Variants in SPG11 observed in about 807,000 individuals in gnomAD.
SPG11 encodes the protein spatacsin.
In SPG11, 222 loss-of-function variants were observed where a neutral mutation model predicts 274.0. The observed-to-expected ratio is 0.81, with a 90% CI of 0.73 to 0.91. SPG11 has a LOEUF of 0.91. SPG11 is among the 40% of genes least tolerant of loss of function. SPG11 has a pLI of 0.00. For synonymous variants in SPG11, 1,144 were observed against 1,039.7 expected, an observed-to-expected ratio of 1.10 and a Z score of -1.93; for missense variants, 3,114 against 2,872.7, an observed-to-expected ratio of 1.08 and a Z score of -1.92.
At position 44,563,070 on chromosome 15, in the gene SPG11, A is replaced by G; in HGVS notation, c.*51T>C. On this transcript the variant is annotated 3_prime_UTR_variant, in exon 40 of 40. Coordinates refer to ENST00000261866, the MANE Select transcript of SPG11 (RefSeq NM_025137.4). ...TCCAATGCATTCTTCTTCTCATCAC[A>G]TCTGTCAGAATCTGCTAACAGTACA... 1.9e-6 allele frequency: 3 copies of G among 1,556,814 alleles called. No homozygotes were observed. Among genetic ancestry groups the G allele is most frequent in the Non-Finnish European group, 2.7e-6 (3 of 1,128,764 alleles).
chr15:44,642,947 C>A (rs2084496850), intron 7 of SPG11, among the ~76,000 whole-genome samples: 1 of 152,102 alleles, frequency 6.6e-6, no homozygotes, highest in Non-Finnish European at 1.5e-5. Context: ...AGGATCAGGG[C>A]AGGGCATACA....
At chr15:44,632,895 C>T (rs1010076105) in intron 8 of SPG11, among the ~76,000 whole-genome samples, 1 of 152,074 alleles carries the variant, frequency 6.6e-6, no homozygotes. Flanking sequence ...AGGCAATTTT[C>T]CAAATAAATG....
At chr15:44,607,512 G>C (rs936597447) in intron 19 of SPG11, among the ~76,000 whole-genome samples, 8 of 152,068 alleles carry the variant, frequency 5.3e-5, no homozygotes, top group Non-Finnish European at 1.5e-5. Context: ...TCAGTGACCC[G>C]CCCACCTTGG....
intron 33 of SPG11, 168 bp downstream of exon 33, chr15:44,572,515 A>T: frequency 1.5e-6 from 1 of 663,836 alleles, no homozygotes; most frequent in Non-Finnish European, 2.6e-6. Flanking sequence ...ATAATTTCTA[A>T]ATTTTCTTCA....
At chr15:44,575,337 C>T in intron 30 of SPG11, 1 of 360,876 alleles carries the variant, frequency 2.8e-6, no homozygotes, top group Non-Finnish European at 5.3e-6. Context: ...TATATGTCCT[C>T]CCTCCTGTAT....
intron 7 of SPG11, among the ~76,000 whole-genome samples, chr15:44,646,676 G>C (rs564438049): frequency 6.6e-6 from 1 of 152,188 alleles, no homozygotes; most frequent in African/African-American, 2.4e-5. Flanking sequence ...GTCCTTTGCA[G>C]CAACACGGAT....
chr15:44,571,688 G>A (rs1231753288), intron 33 of SPG11, among the ~76,000 whole-genome samples: 1 of 151,452 alleles, frequency 6.6e-6, no homozygotes, highest in Non-Finnish European at 1.5e-5. Context: ...TAGTAGAGAC[G>A]GGGTTTCACC....
intron 29 of SPG11, 81 bp from the exon 30 acceptor site, chr15:44,584,639 T>C: frequency 6.6e-7 from 1 of 1,521,870 alleles, no homozygotes; most frequent in Admixed American, 1.7e-5. Flanking sequence ...AAGTATATCA[T>C]ACTTGTTTGG....
chr15:44,631,179 C>T (rs183530392), intron 8 of SPG11, among the ~76,000 whole-genome samples: 31 of 152,210 alleles, frequency 2.0e-4, no homozygotes, highest in African/African-American at 7.2e-4. Flanking sequence ...AAATTACACA[C>T]ACATACAGCA....
intron 19 of SPG11, among the ~76,000 whole-genome samples, chr15:44,607,922 G>A (rs1227132838): frequency 6.6e-6 from 1 of 152,158 alleles, no homozygotes; most frequent in Non-Finnish European, 1.5e-5. Context: ...CAGCAGACAG[G>A]TATGCTGGTC....
At chr15:44,570,845 A>C (rs1233541105) in intron 33 of SPG11, among the ~76,000 whole-genome samples, 187 bp from the exon 34 acceptor site, 1 of 152,122 alleles carries the variant, frequency 6.6e-6, no homozygotes, top group African/African-American at 2.4e-5. Context: ...ATGACATCCA[A>C]ATCATTCTCT....
chr15:44,582,663 C>T (rs928150458), intron 30 of SPG11, among the ~76,000 whole-genome samples: 6 of 151,972 alleles, frequency 3.9e-5, no homozygotes, highest in African/African-American at 9.7e-5. Flanking sequence ...AAAAGAATAA[C>T]GCACCAGGCC....
chr15:44,566,696 C>T (rs896180513), intron 36 of SPG11, among the ~76,000 whole-genome samples: 7 of 152,008 alleles, frequency 4.6e-5, no homozygotes, highest in African/African-American at 1.5e-4. Flanking sequence ...AGCGACATAC[C>T]CACCTCAACA....
chr15:44,638,059 T>A (rs1201201005), intron 7 of SPG11, among the ~76,000 whole-genome samples: 1 of 152,204 alleles, frequency 6.6e-6, no homozygotes, highest in Non-Finnish European at 1.5e-5. Flanking sequence ...TACATAATAA[T>A]GTCTAATGTG....
In SPG11 at chr15:44,592,407, T is replaced by C. The variant is rs1374442173; in HGVS notation, c.4667A>G (p.Tyr1556Cys). Residue 1556 changes from tyrosine (Y) to cysteine (C), a missense_variant, in exon 27 of 40, where the codon TAT becomes TGT. Physicochemically the swap from Tyr to Cys is radical, Grantham distance 194. Coordinates refer to ENST00000261866, the MANE Select transcript of SPG11 (RefSeq NM_025137.4). Reference protein sequence around the residue: ...DSPLLLVMEMYELCMFFRNYK... With the variant: ...DSPLLLVMEMCELCMFFRNYK... ...ATTCCTGAAGAACATACACAGTTCA[T>C]ACATCTCCATCACCAGTAGTAACGG... is the stretch of plus-strand genomic sequence containing the variant. The C allele has an allele frequency of 3.1e-6, 5 of 1,610,068 alleles. No homozygotes were observed. Among genetic ancestry groups the C allele is most frequent in the Non-Finnish European group, 3.4e-6 (4 of 1,176,436 alleles).
intron 38 of SPG11, 145 bp downstream of exon 38, chr15:44,565,709 T>C: frequency 9.8e-7 from 1 of 1,024,216 alleles, no homozygotes; most frequent in South Asian, 1.4e-5. Context: ...AAATTGCCGT[T>C]CTATGTTGGT....
intron 1 of SPG11, among the ~76,000 whole-genome samples, chr15:44,662,488 T>G (rs974257738): frequency 6.6e-6 from 1 of 151,738 alleles, no homozygotes; most frequent in Non-Finnish European, 1.5e-5. Flanking sequence ...GGCAACACAG[T>G]GAGACCTCAT....
chr15:44,600,573 CTATAGCATATT>C lies in SPG11; in HGVS notation c.3569_3579del (p.Lys1190SerfsTer12). ...TAATAAGCAAAATTCAGACGTTCCA[CTATAGCATATT>C]TATTAACCAGGTCAGGGCTAGAGAA... On this transcript the variant is annotated frameshift_variant, in exon 21 of 40. Transcript: ENST00000261866. LOFTEE classifies it high-confidence loss of function. 6.2e-7 allele frequency: 1 copy of C among 1,614,174 alleles called. No homozygotes were observed.
At chr15:44,613,396 G>C (rs930637170) in intron 17 of SPG11, 34 bp downstream of exon 17, 6 of 1,398,706 alleles carry the variant, frequency 4.3e-6, no homozygotes, top group Middle Eastern at 1.8e-4. Flanking sequence ...CTGATCCAAA[G>C]CAAGTTTCTG....
Sources: allele counts gnomAD v4.1 joint callset (sites outside exome capture counted in the v4.1 genomes callset), GRCh38; gene constraint gnomAD v4.1.1; transcripts MANE v1.5; gene names NCBI Gene and HGNC (gene_info 2026-07-23, HGNC 2026-07-21).